ZZEF1: variants seen among roughly 807,000 people sequenced by gnomAD.
ZZEF1 encodes zinc finger ZZ-type and EF-hand domain containing 1.
A neutral mutation model predicts 342.8 loss-of-function variants in ZZEF1; 157 were observed. The ratio of observed to expected loss-of-function variants is 0.46; its 90% CI spans 0.40 to 0.52. The LOEUF (loss-of-function observed/expected upper bound fraction) is 0.52, where lower values mean the gene tolerates loss of function less well. Among genes scored for constraint, ZZEF1 ranks in the 20% least tolerant of loss-of-function variants. The pLI is 0.00. For missense variants in ZZEF1, 3,480 were observed against 3,725.6 expected (o/e 0.93, Z 1.72); for synonymous variants, 1,505 against 1,429.1 (o/e 1.05, Z -1.20).
At chr17:4,113,609 G>T (rs140530892) in intron 4 of ZZEF1, among the ~76,000 whole-genome samples, 2 of 151,108 alleles carry the variant, frequency 1.3e-5, no homozygotes, top group African/African-American at 4.9e-5. Context: ...AGGTTGCAGT[G>T]AACAGAGATC....
chr17:4,081,238 AAAC>A lies in ZZEF1; in HGVS notation c.2829+135_2829+137del, dbSNP rs199601471. On this transcript the variant is annotated intron_variant, in intron 18 of 54. Transcript: ENST00000381638. ...GGTGACAGAGCAAGACCCTATCTCA[AAAC>A]AACAACAACAACAGAAAAAACCACA... 2,458 of 738,564 alleles carry A rather than the reference AAAC, an allele frequency of 3.3e-3. 27 individuals are homozygous for A. The highest frequency in any genetic ancestry group is 0.03 in the African/African-American group (1,726 of 56,874). The allele number at this position is 738,564 out of a possible 1,614,324, so 45.8% of individuals were successfully genotyped here.
chr17:4,106,017 T>A (rs144099561), intron 6 of ZZEF1, among the ~76,000 whole-genome samples: 72 of 152,260 alleles, frequency 4.7e-4, no homozygotes, highest in Middle Eastern at 6.8e-3. Flanking sequence ...TGGTGCGATC[T>A]CGGCTCACTG....
chr17:4,066,851 T>A (rs1228248657), intron 27 of ZZEF1, among the ~76,000 whole-genome samples: 1 of 152,202 alleles, frequency 6.6e-6, no homozygotes, highest in Non-Finnish European at 1.5e-5. Flanking sequence ...AGGGGACATC[T>A]CTACGTGATG....
At position 4,076,675 on chromosome 17, in the gene ZZEF1, T is replaced by C; in HGVS notation, c.3196A>G (p.Lys1066Glu). 1 of 1,613,242 alleles carries C rather than the reference T, an allele frequency of 6.2e-7. No individual in the cohort carries two copies. The highest frequency in any genetic ancestry group is 1.1e-5 in the South Asian group (1 of 91,050). The change falls in exon 21 of 55, where the codon AAG (lysine) becomes GAG (glutamate). Residue 1066 changes from lysine to glutamate, a missense_variant. Around this residue, in one of 5 missense-constraint regions of ZZEF1, gnomAD observed 1,528 missense variants for 1,624.1 expected, o/e 0.94. Transcript: ENST00000381638. ...REFSVLTELL[K>E]KLCSGPEGGL... Reference sequence around the variant, plus strand: ...CCTTCGGGGCCACTACAGAGCTTCTTCAGGAGTTCTGTGAGGACGCTGAAC... The same window carrying C: ...CCTTCGGGGCCACTACAGAGCTTCTCCAGGAGTTCTGTGAGGACGCTGAAC...
intron 5 of ZZEF1, among the ~76,000 whole-genome samples, chr17:4,111,926 C>T (rs2058309548): frequency 7.0e-6 from 1 of 143,748 alleles, no homozygotes; most frequent in Non-Finnish European, 1.5e-5. Flanking sequence ...ATTCCAGCTA[C>T]TGAGACTGAG....
Position 4,114,580 on chromosome 17 carries a change from A to T in ZZEF1, c.695-110T>A, listed in dbSNP as rs935272061. ...CGCTTGGTACTCTGGCCCTAGAAAC[A>T]CAAATCTTCCTTAAAATCTCCTTCC... On this transcript the variant is annotated intron_variant, in intron 3 of 54. Coordinates refer to ENST00000381638, the MANE Select transcript of ZZEF1 (RefSeq NM_015113.4). 14 of 913,994 alleles carry T rather than the reference A, an allele frequency of 1.5e-5. No homozygotes were observed. In the African/African-American group the frequency reaches 2.1e-4, roughly 13 times the overall value. The allele number at this position is 913,994 out of a possible 1,614,324, so 56.6% of individuals were successfully genotyped here.
Position 4,077,882 on chromosome 17 carries a change from C to T in ZZEF1, c.2989+1G>A. On this transcript the variant is annotated splice_donor_variant, in intron 19 of 54. Transcript: ENST00000381638. LOFTEE classifies it high-confidence loss of function. Reference sequence around the variant, plus strand: ...TTCATGGATTTTATATTGAAACTCACATTTTTCAATAAGGTCCACGGCAAG... The same window carrying T: ...TTCATGGATTTTATATTGAAACTCATATTTTTCAATAAGGTCCACGGCAAG... 6.2e-7 allele frequency: 1 copy of T among 1,613,102 alleles called. No homozygotes were observed. Among genetic ancestry groups the T allele is most frequent in the Non-Finnish European group, 8.5e-7 (1 of 1,179,530 alleles).
intron 49 of ZZEF1, among the ~76,000 whole-genome samples, chr17:4,015,771 A>C (rs927197332): frequency 7.9e-5 from 12 of 152,258 alleles, no homozygotes; most frequent in African/African-American, 2.9e-4. Context: ...CTCAAAAAAA[A>C]GTGCTAAAGG....
Position 4,075,252 on chromosome 17 carries a change from AG to A in ZZEF1, c.3401+10del, listed in dbSNP as rs1487669863. On this transcript the variant is annotated intron_variant, in intron 22 of 54. Coordinates refer to ENST00000381638, the MANE Select transcript of ZZEF1 (RefSeq NM_015113.4). Reference sequence around the variant, plus strand: ...TTAGCGCTTGGGGGTGAAAGAATATAGAAGTCTTACCTTTTTTCAGTTTCAC... The same window carrying A: ...TTAGCGCTTGGGGGTGAAAGAATATAAAGTCTTACCTTTTTTCAGTTTCAC... 1 of 1,614,006 alleles carries A rather than the reference AG, an allele frequency of 6.2e-7. No homozygotes were observed. The highest frequency in any genetic ancestry group is 8.5e-7 in the Non-Finnish European group (1 of 1,179,892).
At chr17:4,112,356 G>C (rs920695104) in intron 5 of ZZEF1, among the ~76,000 whole-genome samples, 5 of 151,732 alleles carry the variant, frequency 3.3e-5, no homozygotes, top group African/African-American at 9.7e-5. Context: ...ATGTTGGCCA[G>C]GCTGTTTTCG....
chr17:4,017,060 T>C lies in ZZEF1; in HGVS notation c.8001+311A>G. 3.0e-6 allele frequency: 1 copy of C among 334,908 alleles called. No homozygotes were observed. The highest frequency in any genetic ancestry group is 5.6e-6 in the Non-Finnish European group (1 of 177,478). The allele number at this position is 334,908 out of a possible 1,614,324, so 20.7% of individuals were successfully genotyped here. A position where few individuals can be genotyped will look rare whatever the true frequency, so the allele number is the denominator to read the frequency against. On this transcript the variant is annotated intron_variant, in intron 48 of 54. Coordinates refer to ENST00000381638, the MANE Select transcript of ZZEF1 (RefSeq NM_015113.4). The surrounding 1 kb of genome is among the most constrained non-coding windows in gnomAD (Gnocchi z 5.1). ...CTTCCTCATGGACTGCGTGTGTGTGTGTGAAGGTGGGTGAGGGACAGGATC... is the reference window on the plus strand; with the variant it reads ...CTTCCTCATGGACTGCGTGTGTGTGCGTGAAGGTGGGTGAGGGACAGGATC...
rs2056862763 is a variant in ZZEF1 at position 4,044,264 on chromosome 17, T to A, written c.6126A>T (p.Ser2042=). Residue 2042 remains serine (S), a synonymous_variant, in exon 38 of 55, where the codon TCA becomes TCT. Coordinates refer to ENST00000381638, the MANE Select transcript of ZZEF1 (RefSeq NM_015113.4). Reference sequence around the variant, plus strand: ...GTGGGCTAGCATCTGCAGGTGAATCTGAAATTTGGGTCTGGCATGAAGGAT... The same window carrying A: ...GTGGGCTAGCATCTGCAGGTGAATCAGAAATTTGGGTCTGGCATGAAGGAT... ...SKDPSCQTQI[S]DSPADASPPT... is the part of the protein sequence containing the mutation. The A allele has an allele frequency of 6.2e-7, 1 of 1,614,194 alleles. No homozygotes were observed. Among genetic ancestry groups the A allele is most frequent in the East Asian group, 2.2e-5 (1 of 44,880 alleles).
chr17:4,014,705 G>A lies in ZZEF1; in HGVS notation c.8146-190C>T, dbSNP rs1334977069. Among the ~76,000 whole-genome samples, 2 of 152,220 alleles carry A rather than the reference G, an allele frequency of 1.3e-5. No homozygotes were observed. The highest frequency in any genetic ancestry group is 2.9e-5 in the Non-Finnish European group (2 of 68,038). ...CAGACTGCAAATATGGTGCGAGGGA[G>A]GCACAGCGGGGCAGGCAACACGGGG... On this transcript the variant is annotated intron_variant, in intron 49 of 54. Coordinates refer to ENST00000381638, the MANE Select transcript of ZZEF1 (RefSeq NM_015113.4). This position sits in a 1 kb window ranked among gnomAD's most constrained non-coding sequence, Gnocchi z 4.4.
At chr17:4,073,530 G>A (rs1375274799) in intron 24 of ZZEF1, among the ~76,000 whole-genome samples, 1 of 152,098 alleles carries the variant, frequency 6.6e-6, no homozygotes, top group African/African-American at 2.4e-5. Context: ...CTAACTCCTG[G>A]GCTCAAGTGA....
Position 4,070,803 on chromosome 17 carries a change from C to T in ZZEF1, c.3956G>A (p.Arg1319Lys). ...TATATCTGTCTTTGGGGCCTGTTTT[C>T]TACATGCCTGTATGAATCCTTTGAA... The part of the protein sequence containing the change: ...ELFKGFIQAC[R>K]KQAPKTDIVA... The change falls in exon 26 of 55, where the codon AGA (arginine) becomes AAA (lysine). Residue 1319 changes from arginine (R) to lysine (K), a missense_variant. Coordinates refer to ENST00000381638, the MANE Select transcript of ZZEF1 (RefSeq NM_015113.4). 1 of 1,614,136 alleles carries T rather than the reference C, an allele frequency of 6.2e-7. No individual in the cohort carries two copies. Among genetic ancestry groups the T allele is most frequent in the Non-Finnish European group, 8.5e-7 (1 of 1,180,036 alleles).
chr17:4,106,730 G>A (rs1869494), intron 6 of ZZEF1, among the ~76,000 whole-genome samples: 1,886 of 152,146 alleles, frequency 0.012, 29 homozygotes, highest in Non-Finnish European at 0.016. Flanking sequence ...AAAAATTTAC[G>A]CAACAAATGA....
At chr17:4,115,185 C>T (rs1293225352) in intron 3 of ZZEF1, among the ~76,000 whole-genome samples, 2 of 152,038 alleles carry the variant, frequency 1.3e-5, no homozygotes, top group African/African-American at 2.4e-5. Flanking sequence ...CCACGCCTGG[C>T]TAATTTTTTT....
intron 14 of ZZEF1, 41 bp from the exon 15 acceptor site, chr17:4,086,696 T>C (rs767323209): frequency 1.2e-6 from 2 of 1,606,068 alleles, no homozygotes; most frequent in Non-Finnish European, 1.7e-6. Flanking sequence ...AAAGGGCAAG[T>C]TGCATTTACT....
At chr17:4,088,590 C>T in intron 13 of ZZEF1, 88 bp downstream of exon 13, 1 of 1,409,284 alleles carries the variant, frequency 7.1e-7, no homozygotes, top group South Asian at 1.3e-5. Flanking sequence ...TCCGCAGGGG[C>T]AGGTTTTATC....
Sources: gnomAD v4.1 joint callset for allele counts (sites outside exome capture counted in the v4.1 genomes callset) on GRCh38, gnomAD v4.1.1 for gene constraint, gnomAD v4.1.1 regional missense constraint, Gnocchi (gnomAD v3.1) non-coding constraint, MANE v1.5 for transcripts, NCBI Gene and HGNC (gene_info 2026-07-23, HGNC 2026-07-21) for gene names.